The following VSTM2L variants were observed in gnomAD, a reference collection of about 807,000 sequenced individuals.
The protein encoded by VSTM2L is V-set and transmembrane domain-containing protein 2-like protein.
In VSTM2L, 9 loss-of-function variants were observed where a neutral mutation model predicts 19.9. That is an observed-to-expected ratio of 0.45 (90% confidence interval 0.27 to 0.79). VSTM2L has a LOEUF of 0.79. VSTM2L is among the 30% of genes least tolerant of loss of function. The pLI is 0.15. For missense variants in VSTM2L, 286 were observed against 295.5 expected (o/e 0.97, Z 0.24); for synonymous variants, 127 against 133.8 (o/e 0.95, Z 0.35).
At chr20:37,911,257 A>AAAG (rs1555839033) in intron 1 of VSTM2L, among the ~76,000 whole-genome samples, 2,871 of 130,798 alleles carry the variant, frequency 0.022, 124 homozygotes, top group African/African-American at 0.057. Flanking sequence ...AAAAAAAAAA[A>AAAG]AAGCTGGGAT....
chr20:37,932,763 T>A (rs1298944680), intron 2 of VSTM2L, among the ~76,000 whole-genome samples: 1 of 152,218 alleles, frequency 6.6e-6, no homozygotes, highest in Non-Finnish European at 1.5e-5. Context: ...TTGGAGGAAC[T>A]CCATCTGAAT....
At chr20:37,916,689 G>A (rs144517812) in intron 1 of VSTM2L, among the ~76,000 whole-genome samples, 19 of 152,182 alleles carry the variant, frequency 1.2e-4, no homozygotes, top group Non-Finnish European at 2.9e-5. Context: ...CCACTTCCCA[G>A]GTTGTTTTGG....
chr20:37,903,318 G>A lies in VSTM2L; in HGVS notation c.-33G>A. The A allele has an allele frequency of 7.1e-7, 1 of 1,410,710 alleles. No individual in the cohort carries two copies. Among genetic ancestry groups the A allele is most frequent in the Non-Finnish European group, 9.2e-7 (1 of 1,090,474 alleles). The allele number at this position is 1,410,710 out of a possible 1,614,324, so 87.4% of individuals were successfully genotyped here. A position where few individuals can be genotyped will look rare whatever the true frequency, so the allele number is the denominator to read the frequency against. On this transcript the variant is annotated 5_prime_UTR_variant, in exon 1 of 4. It removes the in-frame stop codon of an upstream open reading frame in the 5' UTR. Transcript: ENST00000373461. ...TCTGCGGTCTCCGGGGCCCAGATGT[G>A]AGGCGGCGGCGCCCCCGGCCCGAGA...
At chr20:37,943,907 G>T in intron 3 of VSTM2L, 74 bp from the exon 4 acceptor site, 1 of 862,560 alleles carries the variant, frequency 1.2e-6, no homozygotes, top group East Asian at 3.8e-5. Context: ...GCGATCTTGG[G>T]ACCCCCCCCC....
chr20:37,944,413 C>A lies in VSTM2L; in HGVS notation c.*160C>A, dbSNP rs939447605. ...CCTCTTTCCACCACCCCTTGCTCAGCATGTAAGCCCCACCCACCCCTGCCC... is the reference window on the plus strand; with the variant it reads ...CCTCTTTCCACCACCCCTTGCTCAGAATGTAAGCCCCACCCACCCCTGCCC... On this transcript the variant is annotated 3_prime_UTR_variant, in exon 4 of 4. Transcript: ENST00000373461. The A allele has an allele frequency of 8.0e-7, 1 of 1,246,846 alleles. No homozygotes were observed. The allele number at this position is 1,246,846 out of a possible 1,614,324, so 77.2% of individuals were successfully genotyped here.
In VSTM2L at chr20:37,939,429, AAAAG is replaced by A. The variant is rs531690149; in HGVS notation, c.343-4541_343-4538del. ...ACGAGACCCTGTCTCAAAAAAAAGAAAAAGAAAGAAAGAACGAAAGAAAGAAAGA... is the reference window on the plus strand; with the variant it reads ...ACGAGACCCTGTCTCAAAAAAAAGAAAAAGAAAGAACGAAAGAAAGAAAGA... On this transcript the variant is annotated intron_variant, in intron 3 of 3. Transcript: ENST00000373461. 7.2e-5 allele frequency among the ~76,000 whole-genome samples: 11 copies of A among 152,302 alleles called. No homozygotes were observed. In the South Asian group the frequency reaches 1.5e-3, roughly 20 times the overall value.
chr20:37,931,391 G>A (rs1026389457), intron 1 of VSTM2L, among the ~76,000 whole-genome samples: 1 of 152,132 alleles, frequency 6.6e-6, no homozygotes, highest in Admixed American at 6.5e-5. Flanking sequence ...CTCCAGGGCC[G>A]ACACCTACTC....
intron 3 of VSTM2L, among the ~76,000 whole-genome samples, chr20:37,939,671 G>A (rs1244961960): frequency 6.6e-6 from 1 of 152,198 alleles, no homozygotes; most frequent in Non-Finnish European, 1.5e-5. Context: ...CACTCGCTGA[G>A]TTGCTTGATT....
At chr20:37,915,539 C>T (rs1172072791) in intron 1 of VSTM2L, among the ~76,000 whole-genome samples, 2 of 152,008 alleles carry the variant, frequency 1.3e-5, no homozygotes, top group Non-Finnish European at 2.9e-5. Flanking sequence ...CCACTGTGTG[C>T]CTGCGTGATG....
At chr20:37,938,579 C>G (rs1221991540) in intron 3 of VSTM2L, among the ~76,000 whole-genome samples, 1 of 152,240 alleles carries the variant, frequency 6.6e-6, no homozygotes, top group Non-Finnish European at 1.5e-5. Flanking sequence ...CGGAGTATCC[C>G]TGCAGTGCCC....
chr20:37,905,267 C>T (rs372136415), intron 1 of VSTM2L, among the ~76,000 whole-genome samples: 3 of 152,282 alleles, frequency 2.0e-5, no homozygotes, highest in Admixed American at 2.0e-4. Flanking sequence ...CCTGAGTTTG[C>T]AGTCCCGAGG....
rs2072765713 is a variant in VSTM2L, at chr20:37,909,076, AG to A, written c.121+5607del. The stretch of plus-strand genomic sequence containing the variant: ...TTCAGGGCTGGGAGTCCAAGGAAAG[AG>A]GAGGAAGAGGCCCACGTCACACAGA... On this transcript the variant is annotated intron_variant, in intron 1 of 3. Coordinates refer to ENST00000373461, the MANE Select transcript of VSTM2L (RefSeq NM_080607.3). 5.3e-5 allele frequency among the ~76,000 whole-genome samples: 8 copies of A among 152,256 alleles called. No homozygotes were observed. In the South Asian group the frequency reaches 1.5e-3, roughly 28 times the overall value.
intron 3 of VSTM2L, among the ~76,000 whole-genome samples, chr20:37,942,231 TG>T (rs2072976496): frequency 6.6e-6 from 1 of 152,182 alleles, no homozygotes; most frequent in African/African-American, 2.4e-5. Flanking sequence ...CCTATAATCC[TG>T]GCACTTCGGG....
chr20:37,913,373 A>G (rs1484605653), intron 1 of VSTM2L, among the ~76,000 whole-genome samples: 1 of 152,194 alleles, frequency 6.6e-6, no homozygotes, highest in African/African-American at 2.4e-5. Flanking sequence ...CCCAGAGAGC[A>G]GTCAGGGCTG....
At chr20:37,928,999 T>A (rs2072893942) in intron 1 of VSTM2L, among the ~76,000 whole-genome samples, 1 of 152,244 alleles carries the variant, frequency 6.6e-6, no homozygotes, top group Admixed American at 6.5e-5. Context: ...TGCTAGCTAC[T>A]GTACTAGCTC....
chr20:37,928,444 T>C (rs1304270094), intron 1 of VSTM2L, among the ~76,000 whole-genome samples: 2 of 152,200 alleles, frequency 1.3e-5, no homozygotes, highest in Non-Finnish European at 2.9e-5. Context: ...AAGGTGTTTA[T>C]TCATCATTCA....
At chr20:37,933,421 G>C in intron 2 of VSTM2L, 118 bp from the exon 3 acceptor site, 1 of 825,062 alleles carries the variant, frequency 1.2e-6, no homozygotes, top group Non-Finnish European at 1.9e-6. Context: ...ATCTGCTGTC[G>C]TGAGAATCTT....
intron 1 of VSTM2L, among the ~76,000 whole-genome samples, chr20:37,917,598 A>C (rs1022367237): frequency 2.0e-5 from 3 of 152,256 alleles, no homozygotes; most frequent in African/African-American, 7.2e-5. Flanking sequence ...AGAGTAGTGA[A>C]GCAGCTTGCA....
chr20:37,925,286 G>A (rs765151004), intron 1 of VSTM2L, among the ~76,000 whole-genome samples: 4 of 152,034 alleles, frequency 2.6e-5, no homozygotes, highest in African/African-American at 9.7e-5. Flanking sequence ...AATGCCCAAG[G>A]CTCTGCCCTT....
Sources: allele counts gnomAD v4.1 joint callset (sites outside exome capture counted in the v4.1 genomes callset), GRCh38; gene constraint gnomAD v4.1.1; transcripts MANE v1.5; gene names NCBI Gene and HGNC (gene_info 2026-07-23, HGNC 2026-07-21).